PPP2R5E: variants seen among roughly 807,000 people sequenced by gnomAD.
PPP2R5E encodes serine/threonine-protein phosphatase 2A 56 kDa regulatory subunit epsilon isoform.
PPP2R5E carries 4 observed loss-of-function variants against 65.3 expected under a neutral mutation model. The observed-to-expected ratio is 0.06, with a 90% CI of 0.03 to 0.14. The LOEUF is 0.14. PPP2R5E is among the 10% of genes least tolerant of loss of function. PPP2R5E has a pLI of 1.00. For synonymous variants in PPP2R5E, 183 were observed against 187.4 expected, an observed-to-expected ratio of 0.98 and a Z score of 0.19; for missense variants, 274 against 556.1, an observed-to-expected ratio of 0.49 and a Z score of 5.10.
intron 3 of PPP2R5E, chr14:63,453,210 A>AG (rs1888942573): frequency 6.6e-6 from 1 of 152,424 alleles, no homozygotes. Flanking sequence ...GACTTCAAGG[A>AG]GATTATAAAG....
chr14:63,437,942 G>A (rs2139421023), intron 3 of PPP2R5E, among the ~76,000 whole-genome samples: 1 of 152,038 alleles, frequency 6.6e-6, no homozygotes, highest in African/African-American at 2.4e-5. Context: ...TCCACTACTT[G>A]GCCAACCCTC....
intron 5 of PPP2R5E, among the ~76,000 whole-genome samples, chr14:63,404,583 G>A (rs1885960505): frequency 6.6e-6 from 1 of 152,164 alleles, no homozygotes. Context: ...TACTGAGAAA[G>A]GACAATGGGG....
chr14:63,469,902 T>A (rs1381985586), intron 2 of PPP2R5E, among the ~76,000 whole-genome samples: 1 of 152,208 alleles, frequency 6.6e-6, no homozygotes, highest in South Asian at 2.1e-4. Flanking sequence ...TTTATTATTC[T>A]GGGTCAATGG....
intron 3 of PPP2R5E, among the ~76,000 whole-genome samples, chr14:63,440,714 G>A (rs112984625): frequency 0.043 from 6,501 of 149,616 alleles, 493 homozygotes; most frequent in African/African-American, 0.15. Context: ...CGAGGCAGGC[G>A]CATCATGAGC....
At chr14:63,483,664 A>G (rs1360164127) in intron 2 of PPP2R5E, among the ~76,000 whole-genome samples, 1 of 152,164 alleles carries the variant, frequency 6.6e-6, no homozygotes, top group Non-Finnish European at 1.5e-5. Context: ...CAGCTCCTGC[A>G]GGCAGCTCCA....
chr14:63,430,116 T>C lies in PPP2R5E; in HGVS notation c.355-8022A>G, dbSNP rs189442691. 4.3e-3 allele frequency among the ~76,000 whole-genome samples: 657 copies of C among 152,332 alleles called. 1 individual carries two copies. Among genetic ancestry groups the C allele is most frequent in the Admixed American group, 5.8e-3 (89 of 15,304 alleles). On this transcript the variant is annotated intron_variant, in intron 3 of 13. Transcript: ENST00000337537. ...TGTCATTTTTTAAAAAACAATTAAA[T>C]CTGAAACAAAAATATGAATATAAGC...
Position 63,463,506 on chromosome 14 carries a change from T to C in PPP2R5E, c.158-9621A>G, listed in dbSNP as rs146679251. ...CTGAAAGAACCTAACCAAAAAAAAA[T>C]GCATTAGTTCCTCAGTTCCCTGAAC... On this transcript the variant is annotated intron_variant, in intron 2 of 13. Coordinates refer to ENST00000337537, the MANE Select transcript of PPP2R5E (RefSeq NM_006246.5). 5.9e-3 allele frequency among the ~76,000 whole-genome samples: 904 copies of C among 152,022 alleles called. 8 individuals carry two copies. The highest frequency in any genetic ancestry group is 0.021 in the African/African-American group (862 of 41,460).
At chr14:63,410,410 C>T (rs1325025387) in intron 5 of PPP2R5E, among the ~76,000 whole-genome samples, 2 of 152,052 alleles carry the variant, frequency 1.3e-5, no homozygotes, top group African/African-American at 2.4e-5. Context: ...GACCTGACTA[C>T]CGAGTGCAGA....
chr14:63,528,077 A>C (rs1410987603), intron 2 of PPP2R5E, among the ~76,000 whole-genome samples: 1 of 152,204 alleles, frequency 6.6e-6, no homozygotes, highest in Admixed American at 6.5e-5. Flanking sequence ...TTTCAAAAAA[A>C]AAACCTTCAA....
intron 2 of PPP2R5E, among the ~76,000 whole-genome samples, chr14:63,505,507 C>A (rs1231691783): frequency 6.6e-6 from 1 of 152,178 alleles, no homozygotes; most frequent in Non-Finnish European, 1.5e-5. Flanking sequence ...TCTGCTCTCC[C>A]CACCCCTTCT....
At chr14:63,460,252 T>A (rs1889378034) in intron 2 of PPP2R5E, among the ~76,000 whole-genome samples, 1 of 152,138 alleles carries the variant, frequency 6.6e-6, no homozygotes, top group African/African-American at 2.4e-5. Flanking sequence ...ATATCCCAGT[T>A]TTTCAAATGA....
chr14:63,431,672 T>A lies in PPP2R5E; in HGVS notation c.355-9578A>T, dbSNP rs150589947. ...TCTATACTTTTGTGAAGACATTCAC[T>A]GAACCAATGACAGGGTGCATTGTTT... On this transcript the variant is annotated intron_variant, in intron 3 of 13. Coordinates refer to ENST00000337537, the MANE Select transcript of PPP2R5E (RefSeq NM_006246.5). Among the ~76,000 whole-genome samples, 952 of 152,342 alleles carry A rather than the reference T, an allele frequency of 6.2e-3. 14 individuals are homozygous for A. The highest frequency in any genetic ancestry group is 0.022 in the African/African-American group (900 of 41,576).
At chr14:63,402,329 C>A (rs1885802380) in intron 5 of PPP2R5E, among the ~76,000 whole-genome samples, 1 of 152,152 alleles carries the variant, frequency 6.6e-6, no homozygotes, top group South Asian at 2.1e-4. Flanking sequence ...CCAAGTGTCA[C>A]CATGCAAATA....
intron 2 of PPP2R5E, among the ~76,000 whole-genome samples, chr14:63,519,507 AT>A (rs557285871): frequency 2.5e-3 from 313 of 124,282 alleles, no homozygotes; most frequent in Admixed American, 3.4e-3. Flanking sequence ...TGCCCAGCTA[AT>A]TTTTTTTTTT....
intron 3 of PPP2R5E, among the ~76,000 whole-genome samples, chr14:63,439,523 C>T (rs989307082): frequency 1.3e-5 from 2 of 152,080 alleles, no homozygotes; most frequent in African/African-American, 2.4e-5. Flanking sequence ...TACAGGCATG[C>T]GCCACCAGGC....
chr14:63,467,362 A>G (rs985079249), intron 2 of PPP2R5E, among the ~76,000 whole-genome samples: 4 of 152,152 alleles, frequency 2.6e-5, no homozygotes. Context: ...TTACAGTGCA[A>G]TTCTAAGCAC....
In PPP2R5E at chr14:63,392,013, T is replaced by C. The variant is rs761151881; in HGVS notation, c.862A>G (p.Ile288Val). The C allele has an allele frequency of 5.6e-6, 9 of 1,605,476 alleles. No homozygotes were observed. The highest frequency in any genetic ancestry group is 7.6e-6 in the Non-Finnish European group (9 of 1,177,632). ...GGATCTTTCTCCAGAAACTGTACTA[T>C]ACAATATGCCAGCTGAGTAAAAAAT... is the stretch of plus-strand genomic sequence containing the variant. ...SLFHAQLAYC[I>V]VQFLEKDPSL... The change falls in exon 9 of 14, where the codon ATA becomes GTA. Residue 288 changes from isoleucine to valine, a missense_variant. Ile to Val is a conservative substitution (Grantham distance 29). This residue lies in a region of PPP2R5E where 129 missense variants were observed against 254.9 expected (regional missense o/e 0.51). Coordinates refer to ENST00000337537, the MANE Select transcript of PPP2R5E (RefSeq NM_006246.5).
At position 63,475,777 on chromosome 14, in the gene PPP2R5E, T is replaced by TGAGAA. The variant is rs1555364078; in HGVS notation, c.158-21893_158-21892insTTCTC. Among the ~76,000 whole-genome samples, 872 of 151,782 alleles carry TGAGAA rather than the reference T, an allele frequency of 5.7e-3. 6 individuals carry two copies. The highest frequency in any genetic ancestry group is 0.02 in the African/African-American group (840 of 41,348). On this transcript the variant is annotated intron_variant, in intron 2 of 13. Transcript: ENST00000337537. ...TTTTATGATAAAATATTAAAAAACA[T>TGAGAA]AAGATAGTTTTTTTAAATAGCATGC...
Position 63,512,076 on chromosome 14 carries a change from G to T in PPP2R5E, c.157+27453C>A, listed in dbSNP as rs1361259949. Among the ~76,000 whole-genome samples the T allele has an allele frequency of 4.6e-5, 4 of 87,190 alleles. No homozygotes were observed. In the East Asian group the frequency reaches 1.1e-3, roughly 24 times the overall value. 57.2% of individuals were successfully genotyped at this position (87,190 alleles called of 152,430 possible). ...CCTGGACGACAGAGCGAGACTCTGCGGTAAAAAAAAAAAAAAAAAAAAAAA... is the reference window on the plus strand; with the variant it reads ...CCTGGACGACAGAGCGAGACTCTGCTGTAAAAAAAAAAAAAAAAAAAAAAA... On this transcript the variant is annotated intron_variant, in intron 2 of 13. Transcript: ENST00000337537.
Sources: allele counts gnomAD v4.1 joint callset (sites outside exome capture counted in the v4.1 genomes callset), GRCh38; gene constraint gnomAD v4.1.1; regional missense constraint gnomAD v4.1.1; transcripts MANE v1.5; gene names NCBI Gene and HGNC (gene_info 2026-07-23, HGNC 2026-07-21).